DNAH11: variants seen among roughly 807,000 people sequenced by gnomAD.
The protein encoded by DNAH11 is dynein axonemal heavy chain 11.
In DNAH11, 442 loss-of-function variants were observed where a neutral mutation model predicts 526.0. The observed-to-expected ratio is 0.84, with a 90% CI of 0.78 to 0.91. The LOEUF (loss-of-function observed/expected upper bound fraction) is 0.91, where lower values mean the gene tolerates loss of function less well. Ranked by LOEUF, DNAH11 falls within the 40% of genes least tolerant of loss-of-function variation. The pLI, the probability that DNAH11 is intolerant of heterozygous loss-of-function variation, is 0.00. For synonymous variants in DNAH11, 2,461 were observed against 1,935.9 expected (o/e 1.27, Z -7.12); for missense variants, 6,989 against 5,448.7 (o/e 1.28, Z -8.90).
intron 25 of DNAH11, among the ~76,000 whole-genome samples, chr7:21,633,713 TAAGAA>T (rs911796010): frequency 4.6e-5 from 7 of 152,166 alleles, no homozygotes; most frequent in African/African-American, 1.7e-4. Context: ...CCAAGGAGTC[TAAGAA>T]GAGACAGAGA....
At chr7:21,550,355 C>T (rs914286662) in intron 2 of DNAH11, among the ~76,000 whole-genome samples, 1 of 152,118 alleles carries the variant, frequency 6.6e-6, no homozygotes, top group African/African-American at 2.4e-5. Context: ...GTCAGAAGTC[C>T]TTTTAACCTA....
Position 21,690,843 on chromosome 7 carries a change from T to C in DNAH11, c.6003T>C (p.Gly2001=), listed in dbSNP as rs781148871. Residue 2001 remains glycine (G), a synonymous_variant, in exon 35 of 82, where the codon GGT becomes GGC. Transcript: ENST00000409508. ...TTACTATGAACCCGGGTTATGCTGGTCGAACCGAATTACCGGAAAATCTCA... is the reference window on the plus strand; with the variant it reads ...TTACTATGAACCCGGGTTATGCTGGCCGAACCGAATTACCGGAAAATCTCA... ...IFITMNPGYA[G]RTELPENLKA... 1 of 1,613,022 alleles carries C rather than the reference T, an allele frequency of 6.2e-7. No individual in the cohort carries two copies. Among genetic ancestry groups the C allele is most frequent in the Non-Finnish European group, 8.5e-7 (1 of 1,179,556 alleles).
At position 21,679,249 on chromosome 7, in the gene DNAH11, A is replaced by G. The variant is rs565069600; in HGVS notation, c.5329-2297A>G. Reference sequence around the variant, plus strand: ...TACCAGAGGATAGGGATGGGGGAAAACAGAAGATATTGGTCAAAGGGTACA... The same window carrying G: ...TACCAGAGGATAGGGATGGGGGAAAGCAGAAGATATTGGTCAAAGGGTACA... On this transcript the variant is annotated intron_variant, in intron 30 of 81. Coordinates refer to ENST00000409508, the MANE Select transcript of DNAH11 (RefSeq NM_001277115.2). Among the ~76,000 whole-genome samples the G allele has an allele frequency of 1.4e-4, 21 of 152,354 alleles. No homozygotes were observed. The South Asian group carries it at 3.9e-3, about 29-fold the overall frequency.
At chr7:21,832,741 G>C (rs1781837508) in intron 65 of DNAH11, among the ~76,000 whole-genome samples, 1 of 152,250 alleles carries the variant, frequency 6.6e-6, no homozygotes. Context: ...GAGTGGCAGT[G>C]GACAAATGGC....
At chr7:21,801,057 A>G in intron 61 of DNAH11, 80 bp from the exon 62 acceptor site, 3 of 1,448,190 alleles carry the variant, frequency 2.1e-6, no homozygotes, top group South Asian at 2.5e-5. Flanking sequence ...TTTACCTTAC[A>G]GTAACAGATG....
chr7:21,671,919 T>G (rs1782655339), intron 30 of DNAH11, among the ~76,000 whole-genome samples: 1 of 152,178 alleles, frequency 6.6e-6, no homozygotes, highest in Non-Finnish European at 1.5e-5. Context: ...CATTCGTTGC[T>G]CAATATTGCA....
At chr7:21,736,423 A>G (rs1785615015) in intron 46 of DNAH11, among the ~76,000 whole-genome samples, 1 of 152,148 alleles carries the variant, frequency 6.6e-6, no homozygotes, top group Non-Finnish European at 1.5e-5. Context: ...TGATGTCGGA[A>G]GGCCAGTCAA....
chr7:21,790,787 G>A (rs1788446832), intron 61 of DNAH11, among the ~76,000 whole-genome samples: 1 of 152,298 alleles, frequency 6.6e-6, no homozygotes, highest in African/African-American at 2.4e-5. Context: ...GAATGTTTTG[G>A]CGAGTATGAG....
chr7:21,868,872 CTT>C lies in DNAH11; in HGVS notation c.11849_11850del (p.Leu3950ArgfsTer5). On this transcript the variant is annotated frameshift_variant, in exon 73 of 82. Coordinates refer to ENST00000409508, the MANE Select transcript of DNAH11 (RefSeq NM_001277115.2). LOFTEE classifies it high-confidence loss of function. Reference protein sequence around the residue: ...LKDLEILGKRLGFTIDSGKFH... With the variant: ...LKDLEILGKRXGFTIDSGKFH... ...GGTGTATTCTCCCACAGGCAAAAGA[CTT>C]GGCTTTACAATTGACTCTGGAAAAT... 1 of 1,613,958 alleles carries C rather than the reference CTT, an allele frequency of 6.2e-7. No homozygotes were observed. The highest frequency in any genetic ancestry group is 8.5e-7 in the Non-Finnish European group (1 of 1,179,864).
At chr7:21,546,682 G>A (rs564133233) in intron 2 of DNAH11, among the ~76,000 whole-genome samples, 1 of 152,288 alleles carries the variant, frequency 6.6e-6, no homozygotes, top group South Asian at 2.1e-4. Context: ...TATATAAAAT[G>A]TCATATGGTT....
intron 20 of DNAH11, among the ~76,000 whole-genome samples, chr7:21,611,150 G>T (rs1785508455): frequency 6.6e-6 from 1 of 152,136 alleles, no homozygotes; most frequent in Non-Finnish European, 1.5e-5. Context: ...GGCCCAGATA[G>T]AAGAAAAAGG....
chr7:21,663,091 C>G (rs774339225), intron 30 of DNAH11, among the ~76,000 whole-genome samples: 6 of 152,104 alleles, frequency 3.9e-5, no homozygotes, highest in Non-Finnish European at 8.8e-5. Flanking sequence ...TTGTCTATGT[C>G]TCACTTGTTT....
At chr7:21,582,119 A>G (rs1323049725) in intron 9 of DNAH11, 98 bp downstream of exon 9, 10 of 730,796 alleles carry the variant, frequency 1.4e-5, no homozygotes, top group Non-Finnish European at 2.3e-5. Flanking sequence ...AGTATTCACT[A>G]GGTTAACTAG....
At position 21,684,023 on chromosome 7, in the gene DNAH11, T is replaced by C. The variant is rs745993389; in HGVS notation, c.5621+79T>C. The C allele has an allele frequency of 1.4e-5, 19 of 1,344,158 alleles. No homozygotes were observed. In the Admixed American group the frequency reaches 2.4e-4, roughly 17 times the overall value. The allele number at this position is 1,344,158 out of a possible 1,614,324, so 83.3% of individuals were successfully genotyped here. A position where few individuals can be genotyped will look rare whatever the true frequency, so the allele number is the denominator to read the frequency against. The stretch of plus-strand genomic sequence containing the variant: ...TAGTGTGAGAATGAAAAGGAAGGAA[T>C]GAGAGGAAACGATGAACAATGAACT... On this transcript the variant is annotated intron_variant, in intron 32 of 81. Transcript: ENST00000409508.
Position 21,817,201 on chromosome 7 carries a change from C to G in DNAH11, c.10568+499C>G, listed in dbSNP as rs76423446. 6.1e-3 allele frequency among the ~76,000 whole-genome samples: 927 copies of G among 152,142 alleles called. 13 individuals are homozygous for G. The highest frequency in any genetic ancestry group is 0.021 in the African/African-American group (884 of 41,496). On this transcript the variant is annotated intron_variant, in intron 64 of 81. Transcript: ENST00000409508. ...GTCACTTTTGAGACCTGAATCTACT[C>G]CAAGAATTTCTGTTACTGAGTCATC...
At chr7:21,867,090 A>G (rs750462519) in intron 71 of DNAH11, among the ~76,000 whole-genome samples, 2 of 152,236 alleles carry the variant, frequency 1.3e-5, no homozygotes, top group Non-Finnish European at 1.5e-5. Context: ...CATAGTCCCT[A>G]TAACTTTACA....
chr7:21,880,097 A>G (rs1056029176), intron 74 of DNAH11, among the ~76,000 whole-genome samples: 3 of 151,916 alleles, frequency 2.0e-5, no homozygotes, highest in Admixed American at 6.6e-5. Context: ...AAAAAAAAAA[A>G]AAAAGAAAGA....
At chr7:21,694,804 A>G (rs1221952620) in intron 35 of DNAH11, among the ~76,000 whole-genome samples, 2 of 152,142 alleles carry the variant, frequency 1.3e-5, no homozygotes, top group Non-Finnish European at 2.9e-5. Context: ...GAACCACTTT[A>G]CACTCCCACC....
chr7:21,606,858 C>T, intron 20 of DNAH11, 125 bp downstream of exon 20: 1 of 844,644 alleles, frequency 1.2e-6, no homozygotes, highest in South Asian at 1.7e-5. Flanking sequence ...TTATTTAAAA[C>T]CCAGTTATAA....
Sources: allele counts gnomAD v4.1 joint callset (sites outside exome capture counted in the v4.1 genomes callset), GRCh38; gene constraint gnomAD v4.1.1; transcripts MANE v1.5; gene names NCBI Gene and HGNC (gene_info 2026-07-23, HGNC 2026-07-21).